RHBDD1: variants seen among roughly 807,000 people sequenced by gnomAD.
The protein encoded by RHBDD1 is rhomboid domain containing 1.
RHBDD1 carries 38 observed loss-of-function variants against 36.3 expected under a neutral mutation model. That is an observed-to-expected ratio of 1.05 (90% confidence interval 0.81 to 1.37). The LOEUF (loss-of-function observed/expected upper bound fraction) is 1.37. RHBDD1 is among the 40% of genes most tolerant of loss of function. The pLI is 0.00. For synonymous variants in RHBDD1, 151 were observed against 136.5 expected, an observed-to-expected ratio of 1.11 and a Z score of -0.74; for missense variants, 393 against 377.6, an observed-to-expected ratio of 1.04 and a Z score of -0.34.
intron 5 of RHBDD1, among the ~76,000 whole-genome samples, chr2:226,875,707 A>C (rs1311808482): frequency 6.6e-6 from 1 of 152,210 alleles, no homozygotes; most frequent in Non-Finnish European, 1.5e-5. Flanking sequence ...TTGTTTTGAA[A>C]GGGGAAGAGA....
chr2:226,815,702 T>C, the RHBDD1 span, among the ~76,000 whole-genome samples: 1 of 152,086 alleles, frequency 6.6e-6, no homozygotes, highest in East Asian at 1.9e-4. Context: ...CTGATAAGTG[T>C]GTACTCTGGA....
chr2:226,836,978 C>G (rs1941046267), intron 1 of RHBDD1, among the ~76,000 whole-genome samples: 1 of 152,228 alleles, frequency 6.6e-6, no homozygotes, highest in Middle Eastern at 3.2e-3. Context: ...CACTTGGGAA[C>G]TTCTTGGAAA....
chr2:226,975,091 G>C (rs1368864569), intron 8 of RHBDD1, among the ~76,000 whole-genome samples: 2 of 152,162 alleles, frequency 1.3e-5, no homozygotes, highest in South Asian at 2.1e-4. Flanking sequence ...CTTCCATTTA[G>C]TTGGCAGTTC....
At chr2:226,867,964 G>C (rs1944477532) in intron 5 of RHBDD1, among the ~76,000 whole-genome samples, 1 of 152,128 alleles carries the variant, frequency 6.6e-6, no homozygotes, top group South Asian at 2.1e-4. Context: ...TGATCTGCCG[G>C]CCTTGGCCTC....
chr2:226,948,156 T>A, intron 8 of RHBDD1, among the ~76,000 whole-genome samples: 2 of 148,840 alleles, frequency 1.3e-5, no homozygotes, highest in Non-Finnish European at 3.0e-5. Flanking sequence ...AGCAAAGACT[T>A]GGAACCAGCG....
At chr2:226,934,746 G>A (rs1213540902) in intron 8 of RHBDD1, among the ~76,000 whole-genome samples, 2 of 151,982 alleles carry the variant, frequency 1.3e-5, no homozygotes, top group African/African-American at 4.8e-5. Flanking sequence ...TTTTGGAAAG[G>A]AGCCATGTTT....
intron 5 of RHBDD1, among the ~76,000 whole-genome samples, chr2:226,889,719 T>C (rs755444749): frequency 1.3e-5 from 2 of 152,172 alleles, no homozygotes; most frequent in African/African-American, 2.4e-5. Flanking sequence ...ACCCTAATTA[T>C]ACTTTTCCAG....
At chr2:226,868,045 G>T (rs1944483889) in intron 5 of RHBDD1, among the ~76,000 whole-genome samples, 1 of 152,186 alleles carries the variant, frequency 6.6e-6, no homozygotes, top group East Asian at 1.9e-4. Flanking sequence ...CATTTTAGCT[G>T]TCAATTGTCT....
chr2:226,931,373 G>A (rs550310803), intron 8 of RHBDD1, among the ~76,000 whole-genome samples: 1 of 152,118 alleles, frequency 6.6e-6, no homozygotes, highest in African/African-American at 2.4e-5. Context: ...AATATTCTAA[G>A]TATTAATAAC....
intron 5 of RHBDD1, among the ~76,000 whole-genome samples, chr2:226,886,400 G>C (rs1463737406): frequency 6.6e-6 from 1 of 152,192 alleles, no homozygotes; most frequent in African/African-American, 2.4e-5. Context: ...AAAGATGTGA[G>C]ATCCAAAATC....
chr2:226,846,732 A>G lies in RHBDD1; in HGVS notation c.-91+7105A>G, dbSNP rs141513466. Among the ~76,000 whole-genome samples the G allele has an allele frequency of 6.1e-3, 888 of 146,596 alleles. 7 individuals carry two copies. Among genetic ancestry groups the G allele is most frequent in the African/African-American group, 0.022 (854 of 38,838 alleles). On this transcript the variant is annotated intron_variant, in intron 3 of 8. Transcript: ENST00000392062. ...ATTGCACTCCAGCCTGGGCAACAAG[A>G]TTGAAATGCCATCTCAAAAAAAAAA...
At chr2:226,956,250 C>G (rs866744930) in intron 8 of RHBDD1, among the ~76,000 whole-genome samples, 9 of 152,164 alleles carry the variant, frequency 5.9e-5, no homozygotes, top group African/African-American at 1.9e-4. Context: ...GTGCCCGCCT[C>G]CATCCTGAGG....
At chr2:226,861,071 G>A (rs1406703596) in intron 3 of RHBDD1, among the ~76,000 whole-genome samples, 1 of 152,188 alleles carries the variant, frequency 6.6e-6, no homozygotes. Context: ...ATCATTCTGT[G>A]AGAAAGGATA....
chr2:226,901,339 A>AATCC (rs576115166), intron 5 of RHBDD1, among the ~76,000 whole-genome samples: 55 of 152,310 alleles, frequency 3.6e-4, no homozygotes, highest in African/African-American at 1.2e-3. Flanking sequence ...TGATGTAATG[A>AATCC]ATATGGGAGT....
intron 8 of RHBDD1, among the ~76,000 whole-genome samples, chr2:226,963,219 C>T (rs1419902382): frequency 6.6e-6 from 1 of 152,078 alleles, no homozygotes; most frequent in African/African-American, 2.4e-5. Flanking sequence ...CTATATAGAA[C>T]ACTTATAGCA....
intron 3 of RHBDD1, among the ~76,000 whole-genome samples, chr2:226,859,815 C>T (rs1242397935): frequency 6.6e-6 from 1 of 152,030 alleles, no homozygotes; most frequent in Admixed American, 6.6e-5. Context: ...TGATGACAAG[C>T]CATCAAAGGC....
intron 8 of RHBDD1, among the ~76,000 whole-genome samples, chr2:226,945,145 G>GATTATTATTATCATT (rs1950890804): frequency 6.9e-6 from 1 of 144,818 alleles, no homozygotes; most frequent in Non-Finnish European, 1.5e-5. Context: ...GATCAAATCT[G>GATTATTATTATCATT]ATTATTATTA....
At chr2:226,904,429 G>C (rs534259206) in intron 5 of RHBDD1, among the ~76,000 whole-genome samples, 1 of 148,660 alleles carries the variant, frequency 6.7e-6, no homozygotes, top group Non-Finnish European at 1.5e-5. Flanking sequence ...GGGGAGGGGG[G>C]TCAGGGAACT....
intron 5 of RHBDD1, among the ~76,000 whole-genome samples, chr2:226,905,706 A>G (rs550217676): frequency 6.6e-6 from 1 of 152,282 alleles, no homozygotes; most frequent in South Asian, 2.1e-4. Flanking sequence ...TATTCATTCA[A>G]CACACATTCA....
Sources: gnomAD v4.1 joint callset for allele counts (sites outside exome capture counted in the v4.1 genomes callset) on GRCh38, gnomAD v4.1.1 for gene constraint, MANE v1.5 for transcripts, NCBI Gene and HGNC (gene_info 2026-07-23, HGNC 2026-07-21) for gene names.